The following MCTP2 variants were observed in gnomAD, a reference collection of about 807,000 sequenced individuals.
MCTP2 encodes multiple C2 and transmembrane domain containing 2.
MCTP2 carries 132 observed loss-of-function variants against 111.6 expected under a neutral mutation model. The observed-to-expected ratio is 1.18, with a 90% CI of 1.03 to 1.37. The LOEUF is 1.37. Among genes scored for constraint, MCTP2 ranks in the 40% most tolerant of loss-of-function variants. The pLI, the probability that MCTP2 is intolerant of heterozygous loss-of-function variation, is 0.00. For synonymous variants in MCTP2, 395 were observed against 387.7 expected (o/e 1.02, Z -0.22); for missense variants, 1,183 against 1,067.9 (o/e 1.11, Z -1.50).
In MCTP2 at chr15:94,309,921, T is replaced by C. The variant is rs114852921; in HGVS notation, c.466-4361T>C. On this transcript the variant is annotated intron_variant, in intron 2 of 22. Coordinates refer to ENST00000357742, the MANE Select transcript of MCTP2 (RefSeq NM_001385001.1). ...ATGCAAGGGAAGACTAATCTCATAA[T>C]AGTGCTCATTCCAAGATGTTAATGC... Among the ~76,000 whole-genome samples, 808 of 152,346 alleles carry C rather than the reference T, an allele frequency of 5.3e-3. 9 individuals are homozygous for C. The highest frequency in any genetic ancestry group is 0.019 in the African/African-American group (775 of 41,576).
intron 12 of MCTP2, among the ~76,000 whole-genome samples, chr15:94,372,370 C>T (rs999644206): frequency 2.0e-5 from 3 of 152,198 alleles, no homozygotes; most frequent in Non-Finnish European, 2.9e-5. Context: ...TGTATGAATC[C>T]TCCAGAGTGT....
chr15:94,278,759 A>AT (rs34861297), intron 1 of MCTP2, among the ~76,000 whole-genome samples: 15,039 of 151,848 alleles, frequency 0.099, 941 homozygotes, highest in Non-Finnish European at 0.15. Context: ...GGTGTCTGTC[A>AT]TTCCCTTCCT....
At chr15:94,451,113 ATT>A (rs1230858566) in intron 19 of MCTP2, among the ~76,000 whole-genome samples, 1 of 152,162 alleles carries the variant, frequency 6.6e-6, no homozygotes, top group African/African-American at 2.4e-5. Flanking sequence ...CAGACACATT[ATT>A]TGTTCTTAGT....
intron 1 of MCTP2, among the ~76,000 whole-genome samples, chr15:94,289,667 T>A (rs2074943019): frequency 6.6e-6 from 1 of 152,200 alleles, no homozygotes; most frequent in Non-Finnish European, 1.5e-5. Flanking sequence ...CTGATACAAA[T>A]TTTCACTGTA....
intron 21 of MCTP2, among the ~76,000 whole-genome samples, chr15:94,471,791 AT>A (rs1433473240): frequency 6.6e-6 from 1 of 151,780 alleles, no homozygotes; most frequent in East Asian, 1.9e-4. Context: ...TTCCTGAATA[AT>A]TTATATACTG....
chr15:94,442,848 T>C, intron 18 of MCTP2, 71 bp from the exon 19 acceptor site: 1 of 1,296,684 alleles, frequency 7.7e-7, no homozygotes, highest in Non-Finnish European at 1.1e-6. Context: ...AGCTTTAAAA[T>C]GTGTCTGAGT....
chr15:94,292,807 T>C (rs1042126847), intron 1 of MCTP2: 1 of 152,172 alleles, frequency 6.6e-6, no homozygotes, highest in Non-Finnish European at 1.5e-5. Context: ...CTAAACAAAT[T>C]TGGAGAGGTC....
intron 1 of MCTP2, among the ~76,000 whole-genome samples, chr15:94,244,485 TACG>T (rs2071569432): frequency 7.0e-6 from 1 of 142,038 alleles, no homozygotes; most frequent in African/African-American, 2.9e-5. Flanking sequence ...TATGTTTATA[TACG>T]TATATGTATA....
intron 1 of MCTP2, among the ~76,000 whole-genome samples, chr15:94,288,973 A>C (rs755366293): frequency 2.0e-5 from 3 of 152,244 alleles, no homozygotes; most frequent in Non-Finnish European, 2.9e-5. Context: ...AGGTTATCCA[A>C]TCTGAAGAAA....
intron 8 of MCTP2, among the ~76,000 whole-genome samples, chr15:94,349,145 A>C (rs1197193759): frequency 2.6e-5 from 4 of 152,160 alleles, no homozygotes. Flanking sequence ...ATGCCTTATT[A>C]TGAAGTCTAG....
At chr15:94,256,749 T>A (rs757568704) in intron 1 of MCTP2, among the ~76,000 whole-genome samples, 1 of 152,212 alleles carries the variant, frequency 6.6e-6, no homozygotes, top group Non-Finnish European at 1.5e-5. Flanking sequence ...AGATACGGTG[T>A]ATAGTTTTGT....
chr15:94,421,893 A>G (rs1425805049), intron 17 of MCTP2, among the ~76,000 whole-genome samples: 7 of 152,154 alleles, frequency 4.6e-5, no homozygotes, highest in Non-Finnish European at 5.9e-5. Context: ...GCCTACCACA[A>G]TGAGGTCGTG....
intron 14 of MCTP2, among the ~76,000 whole-genome samples, chr15:94,396,898 A>G (rs1339039087): frequency 2.6e-5 from 4 of 152,226 alleles, no homozygotes; most frequent in African/African-American, 9.6e-5. Flanking sequence ...TGATAGATAC[A>G]AAACAAAATT....
At chr15:94,419,756 A>ATTTT (rs375546096) in intron 17 of MCTP2, among the ~76,000 whole-genome samples, 1 of 147,096 alleles carries the variant, frequency 6.8e-6, no homozygotes, top group South Asian at 2.1e-4. Flanking sequence ...CATACTGCTT[A>ATTTT]TTTTTTTTTT....
At chr15:94,278,490 ATGAC>A (rs1221057040) in intron 1 of MCTP2, among the ~76,000 whole-genome samples, 1 of 152,190 alleles carries the variant, frequency 6.6e-6, no homozygotes, top group Non-Finnish European at 1.5e-5. Context: ...GATAGAGTAA[ATGAC>A]TGGTTGTGAA....
At chr15:94,247,057 T>C (rs185400114) in intron 1 of MCTP2, among the ~76,000 whole-genome samples, 77 of 152,352 alleles carry the variant, frequency 5.1e-4, no homozygotes, top group African/African-American at 1.8e-3. Flanking sequence ...TAAATCATGC[T>C]TCACATGAGT....
intron 9 of MCTP2, 151 bp from the exon 10 acceptor site, chr15:94,358,331 C>A (rs768782542): frequency 1.3e-5 from 8 of 639,476 alleles, no homozygotes; most frequent in Non-Finnish European, 1.8e-5. Flanking sequence ...CCCACCAAGT[C>A]CCTTTCATTC....
At chr15:94,248,806 C>G (rs2072201976) in intron 1 of MCTP2, among the ~76,000 whole-genome samples, 1 of 152,182 alleles carries the variant, frequency 6.6e-6, no homozygotes, top group African/African-American at 2.4e-5. Context: ...AGAACCCTTC[C>G]TGCTCAGTCC....
intron 12 of MCTP2, among the ~76,000 whole-genome samples, chr15:94,375,587 T>C (rs1596508517): frequency 6.6e-6 from 1 of 151,990 alleles, no homozygotes; most frequent in East Asian, 1.9e-4. Flanking sequence ...AACAAACAAA[T>C]AAAACCCAGC....
Sources: gnomAD v4.1 joint callset for allele counts (sites outside exome capture counted in the v4.1 genomes callset) on GRCh38, gnomAD v4.1.1 for gene constraint, MANE v1.5 for transcripts, NCBI Gene and HGNC (gene_info 2026-07-23, HGNC 2026-07-21) for gene names.